SMARCA2: variants seen among roughly 807,000 people sequenced by gnomAD.
The protein encoded by SMARCA2 is SWI/SNF-related matrix-associated actin-dependent regulator of chromatin subfamily A member 2.
In SMARCA2, 61 loss-of-function variants were observed where a neutral mutation model predicts 199.8. The observed-to-expected ratio is 0.31, with a 90% CI of 0.25 to 0.38. The LOEUF (loss-of-function observed/expected upper bound fraction) is 0.38, where lower values mean the gene tolerates loss of function less well. SMARCA2 is among the 10% of genes least tolerant of loss of function. The probability of loss-of-function intolerance (pLI) is 1.00; values close to 1 mark genes in which losing one functional copy is unlikely to be tolerated. For missense variants in SMARCA2, 1,344 were observed against 2,012.2 expected (o/e 0.67, Z 6.35); for synonymous variants, 935 against 732.0 (o/e 1.28, Z -4.48).
Position 2,170,982 on chromosome 9 carries a change from G to A in SMARCA2, c.4253+510G>A, listed in dbSNP as rs1826220632. 6.6e-6 allele frequency among the ~76,000 whole-genome samples: 1 copy of A among 152,212 alleles called. No homozygotes were observed. On this transcript the variant is annotated intron_variant, in intron 29 of 33. Coordinates refer to ENST00000349721, the MANE Select transcript of SMARCA2 (RefSeq NM_003070.5). This position sits in a 1 kb window ranked among gnomAD's most constrained non-coding sequence, Gnocchi z 4.7. The stretch of plus-strand genomic sequence containing the variant: ...AATTGCTGAGTTGTCTCTTGTTTGT[G>A]TGATGGGTTGGGTTTCAGGGTGTGA...
chr9:2,061,083 G>T (rs1251682092), intron 9 of SMARCA2, 97 bp downstream of exon 9: 2 of 1,175,830 alleles, frequency 1.7e-6, no homozygotes, highest in African/African-American at 1.5e-5. Context: ...TCTTACACTG[G>T]TGGAAGGTTT....
Position 2,187,593 on chromosome 9 carries a change from G to GCTTAGTCT in SMARCA2, c.4594+1366_4594+1373dup, listed in dbSNP as rs1313721197. ...CTCAGGAAGCTGAGGCAGGAGGATT[G>GCTTAGTCT]CTTAGTCTAGGTGTTCAAGGCTGCA... On this transcript the variant is annotated intron_variant, in intron 32 of 33. Transcript: ENST00000349721. Among the ~76,000 whole-genome samples the GCTTAGTCT allele has an allele frequency of 1.2e-4, 19 of 152,136 alleles. 1 individual carries two copies. The highest frequency in any genetic ancestry group is 2.9e-4 in the African/African-American group (12 of 41,456).
At chr9:2,142,973 A>C (rs1824538015) in intron 27 of SMARCA2, among the ~76,000 whole-genome samples, 1 of 151,948 alleles carries the variant, frequency 6.6e-6, no homozygotes, top group Non-Finnish European at 1.5e-5. Context: ...GATTAAAATG[A>C]TTTTTTTTAA....
chr9:2,112,104 C>T (rs2130586300), intron 24 of SMARCA2, among the ~76,000 whole-genome samples: 1 of 152,190 alleles, frequency 6.6e-6, no homozygotes, highest in East Asian at 1.9e-4. Context: ...TTCTTTTTAG[C>T]ATTATGGATT....
At chr9:2,117,944 C>CT (rs1321622427) in intron 25 of SMARCA2, among the ~76,000 whole-genome samples, 1 of 152,224 alleles carries the variant, frequency 6.6e-6, no homozygotes, top group African/African-American at 2.4e-5. Flanking sequence ...ACAACATAGG[C>CT]TGGCATCACC....
intron 26 of SMARCA2, among the ~76,000 whole-genome samples, chr9:2,120,923 C>T (rs1215454090): frequency 1.3e-5 from 2 of 152,192 alleles, no homozygotes; most frequent in East Asian, 1.9e-4. Context: ...TTACAATATT[C>T]TCTATTTAGG....
Position 2,170,299 on chromosome 9 carries a change from A to C in SMARCA2, c.4200-120A>C. 8.0e-7 allele frequency: 1 copy of C among 1,254,500 alleles called. No individual in the cohort carries two copies. The highest frequency in any genetic ancestry group is 2.3e-4 in the Middle Eastern group (1 of 4,310). The allele number at this position is 1,254,500 out of a possible 1,614,324, so 77.7% of individuals were successfully genotyped here. On this transcript the variant is annotated intron_variant, in intron 28 of 33. Transcript: ENST00000349721. This position sits in a 1 kb window ranked among gnomAD's most constrained non-coding sequence, Gnocchi z 4.7. ...AACATAACCCCGTGTAATCTTCCTA[A>C]CAAGGCAGGTTGGTGAGGAGACTGA...
intron 4 of SMARCA2, chr9:2,042,049 A>T (rs560874994): frequency 6.6e-6 from 1 of 152,346 alleles, no homozygotes; most frequent in East Asian, 1.9e-4. Context: ...GGCTCATGAC[A>T]AGGAAAAAAA....
At chr9:2,024,303 C>T (rs570249493) in intron 1 of SMARCA2, among the ~76,000 whole-genome samples, 1 of 152,162 alleles carries the variant, frequency 6.6e-6, no homozygotes, top group African/African-American at 2.4e-5. Flanking sequence ...TAATGTCTCC[C>T]ATTCTATGAC....
chr9:2,039,153 T>C lies in SMARCA2; in HGVS notation c.356-313T>C, dbSNP rs1819463726. Among the ~76,000 whole-genome samples the C allele has an allele frequency of 6.6e-6, 1 of 152,116 alleles. No individual in the cohort carries two copies. The highest frequency in any genetic ancestry group is 2.4e-5 in the African/African-American group (1 of 41,430). ...TATGAAAAAAAGAATGTAGAATGTCTCATCAACAGTTTTTACATTTTAAAA... is the reference window on the plus strand; with the variant it reads ...TATGAAAAAAAGAATGTAGAATGTCCCATCAACAGTTTTTACATTTTAAAA... On this transcript the variant is annotated intron_variant, in intron 3 of 33. Coordinates refer to ENST00000349721, the MANE Select transcript of SMARCA2 (RefSeq NM_003070.5). The surrounding 1 kb of genome is among the most constrained non-coding windows in gnomAD (Gnocchi z 4.8).
Position 2,123,619 on chromosome 9 carries a change from T to C in SMARCA2, c.3763-100T>C. 1 of 1,014,576 alleles carries C rather than the reference T, an allele frequency of 9.9e-7. No homozygotes were observed. The highest frequency in any genetic ancestry group is 2.0e-5 in the Admixed American group (1 of 50,852). 62.8% of individuals were successfully genotyped at this position (1,014,576 alleles called of 1,614,324 possible). On this transcript the variant is annotated intron_variant, in intron 26 of 33. Transcript: ENST00000349721. The surrounding 1 kb of genome is among the most constrained non-coding windows in gnomAD (Gnocchi z 4.1). ...GGATGAGAGAGGTTGAAAGGGACCC[T>C]GCAGCCATAGGAAGTGACTTGGGGA...
At chr9:2,077,581 C>T in intron 13 of SMARCA2, 48 bp from the exon 14 acceptor site, 1 of 1,573,044 alleles carries the variant, frequency 6.4e-7, no homozygotes, top group Non-Finnish European at 8.7e-7. Flanking sequence ...TAAAACAACA[C>T]ATGCACGCAC....
At chr9:2,180,406 C>T (rs138757455) in intron 29 of SMARCA2, among the ~76,000 whole-genome samples, 1 of 152,148 alleles carries the variant, frequency 6.6e-6, no homozygotes, top group Non-Finnish European at 1.5e-5. Context: ...TGATAACTGT[C>T]ATTATGATTA....
intron 3 of SMARCA2, among the ~76,000 whole-genome samples, chr9:2,035,426 C>T (rs1304787749): frequency 6.6e-6 from 1 of 152,140 alleles, no homozygotes; most frequent in Non-Finnish European, 1.5e-5. Context: ...TTTTTCTGCT[C>T]CTGTTGTTGC....
chr9:2,177,595 C>T (rs946197161), intron 29 of SMARCA2, among the ~76,000 whole-genome samples: 7 of 152,038 alleles, frequency 4.6e-5, no homozygotes, highest in Non-Finnish European at 7.4e-5. Flanking sequence ...TCTCGTTGCC[C>T]AGGCTGGAGT....
chr9:2,051,180 C>T (rs1275700765), intron 5 of SMARCA2, among the ~76,000 whole-genome samples: 1 of 152,124 alleles, frequency 6.6e-6, no homozygotes, highest in Non-Finnish European at 1.5e-5. Flanking sequence ...TAAAGAAGCC[C>T]CTCCTGTACC....
intron 27 of SMARCA2, among the ~76,000 whole-genome samples, chr9:2,144,120 A>C (rs1030467496): frequency 2.0e-5 from 3 of 152,144 alleles, no homozygotes; most frequent in African/African-American, 7.2e-5. Context: ...TCATTAGAGG[A>C]AATGAATGGA....
chr9:2,185,831 A>G (rs1827402089), intron 31 of SMARCA2, among the ~76,000 whole-genome samples: 1 of 152,222 alleles, frequency 6.6e-6, no homozygotes, highest in South Asian at 2.1e-4. Context: ...TTGTTGTCCA[A>G]TATGAGGATA....
intron 32 of SMARCA2, 24 bp from the exon 33 acceptor site, chr9:2,191,242 C>A (rs1409154389): frequency 6.2e-7 from 1 of 1,611,384 alleles, no homozygotes; most frequent in East Asian, 2.2e-5. Context: ...TCACTGGTGT[C>A]TATTTCATTT....
Sources: gnomAD v4.1 joint callset for allele counts (sites outside exome capture counted in the v4.1 genomes callset) on GRCh38, gnomAD v4.1.1 for gene constraint, Gnocchi (gnomAD v3.1) non-coding constraint, MANE v1.5 for transcripts, NCBI Gene and HGNC (gene_info 2026-07-23, HGNC 2026-07-21) for gene names.